Variants in PGM5 observed in about 807,000 individuals in gnomAD.
The protein encoded by PGM5 is phosphoglucomutase 5.
In PGM5, 23 loss-of-function variants were observed where a neutral mutation model predicts 59.2. The observed-to-expected ratio is 0.39, with a 90% CI of 0.28 to 0.55. The LOEUF is 0.55. Ranked by LOEUF, PGM5 falls within the 20% of genes least tolerant of loss-of-function variation. The probability of loss-of-function intolerance (pLI) is 0.66; values close to 1 mark genes in which losing one functional copy is unlikely to be tolerated. For missense variants in PGM5, 574 were observed against 748.3 expected (o/e 0.77, Z 2.72); for synonymous variants, 214 against 286.0 (o/e 0.75, Z 2.54).
intron 9 of PGM5, 192 bp from the exon 10 acceptor site, chr9:68,499,033 TAA>T: frequency 1.7e-6 from 1 of 595,532 alleles, no homozygotes. Flanking sequence ...GGAAATAGAA[TAA>T]AGAGACAAAT....
chr9:68,451,635 C>A (rs190183329), intron 6 of PGM5, among the ~76,000 whole-genome samples: 1 of 152,266 alleles, frequency 6.6e-6, no homozygotes, highest in Admixed American at 6.5e-5. Context: ...TAAAATATGC[C>A]ATTCAAAGTT....
rs782582218 is a variant in PGM5 at position 68,391,580 on chromosome 9, C to T, written c.744C>T (p.Ala248=). 5.8e-5 allele frequency: 93 copies of T among 1,613,148 alleles called. No individual in the cohort carries two copies. The South Asian group carries it at 9.4e-4, about 16-fold the overall frequency. The change falls in exon 5 of 11, where the codon GCC becomes GCT. Residue 248 remains alanine (A), a synonymous_variant. Coordinates refer to ENST00000396396, the MANE Select transcript of PGM5 (RefSeq NM_021965.4). The part of the protein sequence containing the change: ...VRKVLCDELG[A]PANSAINCVP... ...AAGTTCTGTGTGATGAGCTGGGGGC[C>T]CCAGCCAATTCTGCAATAAACTGTG...
At chr9:68,411,454 G>A (rs1205696703) in intron 6 of PGM5, among the ~76,000 whole-genome samples, 43 of 140,794 alleles carry the variant, frequency 3.1e-4, no homozygotes, top group African/African-American at 1.1e-3. Flanking sequence ...TGTAGTGTGT[G>A]TATTAAATAT....
rs550546173 is a variant in PGM5 at position 68,490,043 on chromosome 9, G to A, written c.1479+5995G>A. On this transcript the variant is annotated intron_variant, in intron 9 of 10. Coordinates refer to ENST00000396396, the MANE Select transcript of PGM5 (RefSeq NM_021965.4). ...ATTTTGAAGTCAGTTTTCTTTTAGC[G>A]TTGTTATTTTAATTTGCAAGAAGGT... is the stretch of plus-strand genomic sequence containing the variant. Among the ~76,000 whole-genome samples, 6 of 152,300 alleles carry A rather than the reference G, an allele frequency of 3.9e-5. No individual in the cohort carries two copies. In the South Asian group the frequency reaches 6.2e-4, roughly 16 times the overall value.
chr9:68,453,558 A>T (rs530503194), intron 6 of PGM5, among the ~76,000 whole-genome samples: 2 of 152,286 alleles, frequency 1.3e-5, no homozygotes, highest in Admixed American at 1.3e-4. Context: ...GGTGGTCTCA[A>T]ACTCCTGGGC....
At chr9:68,501,242 T>C (rs1824569004) in intron 10 of PGM5, among the ~76,000 whole-genome samples, 1 of 152,200 alleles carries the variant, frequency 6.6e-6, no homozygotes, top group African/African-American at 2.4e-5. Flanking sequence ...GCACATGATC[T>C]AGCTAAAAGT....
chr9:68,407,572 G>A (rs1171446450), intron 6 of PGM5, among the ~76,000 whole-genome samples: 1 of 142,152 alleles, frequency 7.0e-6, no homozygotes, highest in Non-Finnish European at 1.6e-5. Context: ...TATCTTTCTG[G>A]GAAAATACAG....
chr9:68,388,984 AT>A (rs1554679182), intron 4 of PGM5, among the ~76,000 whole-genome samples: 2 of 151,946 alleles, frequency 1.3e-5, no homozygotes, highest in African/African-American at 4.8e-5. Context: ...TTGAATTACT[AT>A]TTAGTAACCA....
intron 10 of PGM5, among the ~76,000 whole-genome samples, chr9:68,514,997 C>G (rs189570785): frequency 1.3e-5 from 2 of 152,192 alleles, no homozygotes; most frequent in African/African-American, 4.8e-5. Flanking sequence ...CACAATTATA[C>G]TAGTTGAGCT....
chr9:68,527,146 T>C (rs1283004652), intron 10 of PGM5, among the ~76,000 whole-genome samples: 2 of 152,190 alleles, frequency 1.3e-5, no homozygotes, highest in East Asian at 3.8e-4. Flanking sequence ...GTTTACAGTA[T>C]TTGTTAAAAC....
intron 3 of PGM5, among the ~76,000 whole-genome samples, 154 bp from the exon 4 acceptor site, chr9:68,387,309 A>C (rs1287660294): frequency 6.6e-6 from 1 of 152,038 alleles, no homozygotes; most frequent in Non-Finnish European, 1.5e-5. Flanking sequence ...GATTTTTGTC[A>C]ACAAATGGGC....
intron 7 of PGM5, among the ~76,000 whole-genome samples, chr9:68,476,004 G>T (rs925631368): frequency 6.6e-5 from 10 of 152,172 alleles, no homozygotes; most frequent in Non-Finnish European, 1.2e-4. Context: ...CTGGGTGACA[G>T]AGCAAGACCC....
intron 6 of PGM5, among the ~76,000 whole-genome samples, chr9:68,448,717 C>T (rs1554684162): frequency 2.0e-5 from 3 of 152,234 alleles, no homozygotes; most frequent in African/African-American, 4.8e-5. Flanking sequence ...AAGCCCTGTT[C>T]ATTGCCAGAC....
At chr9:68,436,610 G>C (rs911086757) in intron 6 of PGM5, among the ~76,000 whole-genome samples, 4 of 152,156 alleles carry the variant, frequency 2.6e-5, no homozygotes, top group Admixed American at 1.3e-4. Context: ...GTCTTTGAAG[G>C]CTTGGCCTCA....
intron 9 of PGM5, among the ~76,000 whole-genome samples, chr9:68,494,596 T>A (rs1050011446): frequency 1.2e-4 from 18 of 151,466 alleles, no homozygotes; most frequent in African/African-American, 4.3e-4. Context: ...GGCACCACCA[T>A]TTTTTAAAGA....
chr9:68,391,453 T>G, intron 4 of PGM5, 81 bp from the exon 5 acceptor site: 2 of 1,059,246 alleles, frequency 1.9e-6, no homozygotes, highest in South Asian at 2.8e-5. Context: ...TATTAAATGG[T>G]GTTTCCTGTA....
At chr9:68,386,721 G>A (rs1163646078) in intron 3 of PGM5, among the ~76,000 whole-genome samples, 1 of 151,986 alleles carries the variant, frequency 6.6e-6, no homozygotes, top group Non-Finnish European at 1.5e-5. Flanking sequence ...TCTTGGAAAA[G>A]TACTTTCTGA....
chr9:68,365,566 A>G (rs535048508), intron 1 of PGM5, among the ~76,000 whole-genome samples: 42 of 152,246 alleles, frequency 2.8e-4, no homozygotes, highest in Non-Finnish European at 5.7e-4. Context: ...TCATGTCCGT[A>G]GTTGTATGAA....
intron 9 of PGM5, among the ~76,000 whole-genome samples, chr9:68,493,805 G>T (rs1824439096): frequency 6.6e-6 from 1 of 152,216 alleles, no homozygotes; most frequent in African/African-American, 2.4e-5. Flanking sequence ...GCAAATCAAA[G>T]AGGGGGCAAA....
Sources: allele counts gnomAD v4.1 joint callset (sites outside exome capture counted in the v4.1 genomes callset), GRCh38; gene constraint gnomAD v4.1.1; transcripts MANE v1.5; gene names NCBI Gene and HGNC (gene_info 2026-07-23, HGNC 2026-07-21).